FAM193A: variants seen among roughly 807,000 people sequenced by gnomAD.
The protein encoded by FAM193A is family with sequence similarity 193 member A, also known as protein FAM193A.
In FAM193A, 22 loss-of-function variants were observed where a neutral mutation model predicts 126.5. The ratio of observed to expected loss-of-function variants is 0.17; its 90% CI spans 0.12 to 0.25. The LOEUF is 0.25. FAM193A is among the 10% of genes least tolerant of loss of function. The pLI, the probability that FAM193A is intolerant of heterozygous loss-of-function variation, is 1.00. For missense variants in FAM193A, 1,675 were observed against 1,672.8 expected (o/e 1.00, Z -0.02); for synonymous variants, 761 against 646.8 (o/e 1.18, Z -2.68).
chr4:2,581,123 C>T (rs191719393), intron 1 of FAM193A, among the ~76,000 whole-genome samples: 438 of 135,248 alleles, frequency 3.2e-3, no homozygotes, highest in African/African-American at 9.6e-3. Flanking sequence ...AGCAAGACTC[C>T]GTCTCAAAAA....
chr4:2,566,495 G>T (rs1738959731), intron 1 of FAM193A, among the ~76,000 whole-genome samples: 1 of 152,052 alleles, frequency 6.6e-6, no homozygotes, highest in Admixed American at 6.6e-5. Context: ...TTTGAGACCA[G>T]CCTGGCCAAC....
intron 2 of FAM193A, chr4:2,607,998 C>G (rs1186805892): frequency 6.3e-7 from 1 of 1,588,290 alleles, no homozygotes; most frequent in Admixed American, 1.9e-5. Context: ...CACCACAGCC[C>G]CTGCTGGGGT....
intron 2 of FAM193A, among the ~76,000 whole-genome samples, chr4:2,619,318 T>A (rs527623374): frequency 6.6e-6 from 1 of 152,170 alleles, no homozygotes; most frequent in South Asian, 2.1e-4. Context: ...TTTTATTTTT[T>A]TGAGACGGAG....
At chr4:2,686,189 G>A (rs542803081) in intron 13 of FAM193A, among the ~76,000 whole-genome samples, 8 of 152,292 alleles carry the variant, frequency 5.3e-5, no homozygotes, top group African/African-American at 1.4e-4. Flanking sequence ...ACTGATCCCT[G>A]TTACTTTTGT....
intron 1 of FAM193A, among the ~76,000 whole-genome samples, chr4:2,590,535 C>G (rs1428971118): frequency 1.0e-5 from 1 of 99,820 alleles, no homozygotes; most frequent in Non-Finnish European, 2.3e-5. Context: ...AATTAAAAAA[C>G]AGAAAATTGT....
chr4:2,698,208 TGGGG>T (rs1189328035), intron 18 of FAM193A, among the ~76,000 whole-genome samples: 4 of 152,250 alleles, frequency 2.6e-5, no homozygotes, highest in Non-Finnish European at 5.9e-5. Flanking sequence ...GGGCCTGTGC[TGGGG>T]CAGCCGTTCT....
intron 1 of FAM193A, among the ~76,000 whole-genome samples, chr4:2,550,057 G>A: frequency 7.1e-6 from 1 of 141,266 alleles, no homozygotes; most frequent in South Asian, 2.3e-4. Flanking sequence ...TAATTTTTGA[G>A]ACAGAGTGTC....
At chr4:2,538,559 G>A (rs1737030853) in intron 1 of FAM193A, among the ~76,000 whole-genome samples, 1 of 151,956 alleles carries the variant, frequency 6.6e-6, no homozygotes, top group South Asian at 2.1e-4. Flanking sequence ...AGTCTCCCGA[G>A]ATTGCCCTCA....
chr4:2,643,821 G>A (rs1022903380), intron 6 of FAM193A, among the ~76,000 whole-genome samples: 1 of 152,168 alleles, frequency 6.6e-6, no homozygotes, highest in African/African-American at 2.4e-5. Context: ...CCCCTGGCAG[G>A]CCAAGGCGTA....
chr4:2,700,556 A>G lies in FAM193A; in HGVS notation c.4372+12A>G. 1 of 1,600,766 alleles carries G rather than the reference A, an allele frequency of 6.2e-7. No individual in the cohort carries two copies. Among genetic ancestry groups the G allele is most frequent in the Non-Finnish European group, 8.5e-7 (1 of 1,174,212 alleles). ...CAACAATTCAATTGGTAAATACAGA[A>G]TAGCGGGAAGGTATTTCTGAGCGAT... On this transcript the variant is annotated intron_variant, in intron 19 of 20. Coordinates refer to ENST00000637812, the MANE Select transcript of FAM193A (RefSeq NM_001366318.2).
Position 2,569,229 on chromosome 4 carries a change from A to G in FAM193A, c.256-26855A>G, listed in dbSNP as rs946554602. Reference sequence around the variant, plus strand: ...CAGGTAATCCACCCTGGCCTCCCAAAGTGCTGGGATTACAGGCATGAGCCA... The same window carrying G: ...CAGGTAATCCACCCTGGCCTCCCAAGGTGCTGGGATTACAGGCATGAGCCA... On this transcript the variant is annotated intron_variant, in intron 1 of 20. Coordinates refer to ENST00000637812, the MANE Select transcript of FAM193A (RefSeq NM_001366318.2). 9.9e-5 allele frequency among the ~76,000 whole-genome samples: 15 copies of G among 151,752 alleles called. 1 individual carries two copies. Among genetic ancestry groups the G allele is most frequent in the Admixed American group, 9.2e-4 (14 of 15,228 alleles).
chr4:2,692,995 G>A (rs752010423), intron 15 of FAM193A, among the ~76,000 whole-genome samples: 2 of 152,090 alleles, frequency 1.3e-5, no homozygotes, highest in Non-Finnish European at 2.9e-5. Context: ...TTGAGCCCAG[G>A]GGTTCAGGAC....
At chr4:2,543,730 C>T (rs1228286564) in intron 1 of FAM193A, among the ~76,000 whole-genome samples, 5 of 151,646 alleles carry the variant, frequency 3.3e-5, no homozygotes, top group African/African-American at 1.2e-4. Flanking sequence ...TGGTGACGAG[C>T]GCCTGTAATC....
At chr4:2,722,618 G>T (rs1384271932) in intron 20 of FAM193A, among the ~76,000 whole-genome samples, 1 of 152,188 alleles carries the variant, frequency 6.6e-6, no homozygotes, top group Non-Finnish European at 1.5e-5. Context: ...CAGGGAAAGA[G>T]AATTTGGATT....
At chr4:2,634,937 C>T (rs1743943003) in intron 5 of FAM193A, among the ~76,000 whole-genome samples, 2 of 152,318 alleles carry the variant, frequency 1.3e-5, no homozygotes, top group South Asian at 4.1e-4. Flanking sequence ...CATTTTGCCA[C>T]TCTGACTTCA....
Position 2,552,830 on chromosome 4 carries a change from C to G in FAM193A, c.255+15660C>G, listed in dbSNP as rs966701332. On this transcript the variant is annotated intron_variant, in intron 1 of 20. Transcript: ENST00000637812. The stretch of plus-strand genomic sequence containing the variant: ...GGGATTACAGGTGTGAGCCACCGCG[C>G]CCGGCCACAGAACTTTCTTTTTTTT... 2.6e-5 allele frequency among the ~76,000 whole-genome samples: 4 copies of G among 151,340 alleles called. No homozygotes were observed. In the East Asian group the frequency reaches 7.8e-4, roughly 29 times the overall value.
chr4:2,683,507 T>A (rs931944237), intron 13 of FAM193A, among the ~76,000 whole-genome samples: 1 of 152,242 alleles, frequency 6.6e-6, no homozygotes, highest in Non-Finnish European at 1.5e-5. Context: ...TTGGCCAGGC[T>A]GGTCTTGAAC....
Position 2,543,715 on chromosome 4 carries a change from A to G in FAM193A, c.255+6545A>G, listed in dbSNP as rs61790209. 7.4e-3 allele frequency among the ~76,000 whole-genome samples: 1,129 copies of G among 151,848 alleles called. 5 individuals are homozygous for G. The highest frequency in any genetic ancestry group is 0.012 in the Non-Finnish European group (809 of 67,924). ...CTACTAAAAAATGCAAAAATTAGCC[A>G]GGCATGGTGACGAGCGCCTGTAATC... On this transcript the variant is annotated intron_variant, in intron 1 of 20. Transcript: ENST00000637812.
chr4:2,562,806 T>C (rs1560444865), intron 1 of FAM193A, among the ~76,000 whole-genome samples: 1 of 151,612 alleles, frequency 6.6e-6, no homozygotes, highest in Non-Finnish European at 1.5e-5. Flanking sequence ...ATTTTTGTAT[T>C]TTTAGTAGAG....
Sources: allele counts gnomAD v4.1 joint callset (sites outside exome capture counted in the v4.1 genomes callset), GRCh38; gene constraint gnomAD v4.1.1; transcripts MANE v1.5; gene names NCBI Gene and HGNC (gene_info 2026-07-23, HGNC 2026-07-21).